Variants in RARB observed in about 807,000 individuals in gnomAD.
RARB encodes retinoic acid receptor beta.
Under a neutral mutation model 51.9 loss-of-function variants are expected in RARB, and 17 were observed. The ratio of observed to expected loss-of-function variants is 0.33; its 90% CI spans 0.22 to 0.49. RARB has a LOEUF of 0.49. Among genes scored for constraint, RARB ranks in the 20% least tolerant of loss-of-function variants. RARB has a pLI of 0.99. For missense variants in RARB, 369 were observed against 550.8 expected, an observed-to-expected ratio of 0.67 and a Z score of 3.30; for synonymous variants, 215 against 195.4, an observed-to-expected ratio of 1.10 and a Z score of -0.84.
intron 5 of RARB, among the ~76,000 whole-genome samples, chr3:25,303,866 C>A (rs1704096054): frequency 6.6e-6 from 1 of 152,054 alleles, no homozygotes; most frequent in South Asian, 2.1e-4. Context: ...GTCCAGGGTT[C>A]AAAGATGAAA....
chr3:25,230,451 G>A (rs551789439), intron 5 of RARB, among the ~76,000 whole-genome samples: 29 of 152,036 alleles, frequency 1.9e-4, no homozygotes, highest in South Asian at 2.1e-4. Flanking sequence ...CAAGCATAAT[G>A]TCCTATTCAC....
At chr3:25,377,288 T>C (rs986077611) in intron 5 of RARB, among the ~76,000 whole-genome samples, 2 of 152,194 alleles carry the variant, frequency 1.3e-5, no homozygotes, top group Non-Finnish European at 1.5e-5. Flanking sequence ...CCAACCCATA[T>C]TGAAAAGGGG....
chr3:24,909,828 G>C (rs1364884734), intron 2 of RARB, among the ~76,000 whole-genome samples: 1 of 151,952 alleles, frequency 6.6e-6, no homozygotes, highest in Non-Finnish European at 1.5e-5. Context: ...TGATTGTGTA[G>C]GGCATAGAAT....
intron 5 of RARB, among the ~76,000 whole-genome samples, chr3:25,388,669 C>A (rs1403299842): frequency 1.3e-5 from 2 of 152,080 alleles, no homozygotes; most frequent in East Asian, 3.9e-4. Context: ...TTTTTGTCTA[C>A]CATTGTGACA....
chr3:24,866,552 T>C (rs1422825534), intron 2 of RARB, among the ~76,000 whole-genome samples: 3 of 152,104 alleles, frequency 2.0e-5, no homozygotes, highest in Admixed American at 6.6e-5. Context: ...ATGGGAAAAC[T>C]GACCAAACCA....
chr3:25,577,183 G>A (rs182161962), intron 4 of RARB, among the ~76,000 whole-genome samples: 4 of 152,320 alleles, frequency 2.6e-5, no homozygotes, highest in African/African-American at 9.6e-5. Context: ...AACTGTGTGG[G>A]TGAATCCCAC....
chr3:24,988,434 CTTAATA>C (rs1193381574), intron 2 of RARB, among the ~76,000 whole-genome samples: 4 of 152,144 alleles, frequency 2.6e-5, no homozygotes, highest in Admixed American at 6.5e-5. Flanking sequence ...TTCTACCAGA[CTTAATA>C]TTAATTTGAA....
intron 5 of RARB, among the ~76,000 whole-genome samples, chr3:25,421,578 AT>A (rs1167175552): frequency 1.3e-5 from 2 of 150,708 alleles, no homozygotes; most frequent in Non-Finnish European, 3.0e-5. Flanking sequence ...TGCCCGGCTA[AT>A]TTTTTTTGTA....
chr3:24,911,185 T>C (rs1377238778), intron 2 of RARB, among the ~76,000 whole-genome samples: 2 of 152,182 alleles, frequency 1.3e-5, no homozygotes, highest in Non-Finnish European at 2.9e-5. Context: ...CCATCTTCTC[T>C]CTCGGAAGAA....
chr3:24,931,712 C>G (rs963081289), intron 2 of RARB, among the ~76,000 whole-genome samples: 1 of 152,118 alleles, frequency 6.6e-6, no homozygotes, highest in African/African-American at 2.4e-5. Flanking sequence ...GTGTTCACAC[C>G]TGTTTATGGC....
intron 3 of RARB, among the ~76,000 whole-genome samples, chr3:25,519,020 C>A (rs1698291533): frequency 6.6e-6 from 1 of 152,140 alleles, no homozygotes; most frequent in South Asian, 2.1e-4. Flanking sequence ...TGAACTTCAC[C>A]TACACAGAGT....
chr3:25,169,978 A>G (rs1289287745), intron 4 of RARB, among the ~76,000 whole-genome samples: 1 of 133,978 alleles, frequency 7.5e-6, no homozygotes, highest in East Asian at 2.2e-4. Flanking sequence ...ACAGAGCGAC[A>G]CCTTATTTCT....
At position 25,500,144 on chromosome 3, in the gene RARB, T is replaced by C. The variant is rs142509110; in HGVS notation, c.307-1038T>C. Among the ~76,000 whole-genome samples the C allele has an allele frequency of 3.7e-3, 560 of 152,334 alleles. 7 individuals are homozygous for C. The highest frequency in any genetic ancestry group is 0.013 in the African/African-American group (540 of 41,576). On this transcript the variant is annotated intron_variant, in intron 2 of 7. Coordinates refer to ENST00000330688, the MANE Select transcript of RARB (RefSeq NM_000965.5). ...TTTAATATGGTAGCTATGGGCCAGA[T>C]GTGGCTCTTCAGCATTTGAAATGTA... is the stretch of plus-strand genomic sequence containing the variant.
intron 5 of RARB, among the ~76,000 whole-genome samples, chr3:25,362,957 A>AT (rs1705996499): frequency 6.6e-6 from 1 of 152,096 alleles, no homozygotes; most frequent in Non-Finnish European, 1.5e-5. Flanking sequence ...TTTATGGCAA[A>AT]TGTTGATGAG....
At chr3:25,263,131 G>A (rs964129213) in intron 5 of RARB, among the ~76,000 whole-genome samples, 2 of 152,126 alleles carry the variant, frequency 1.3e-5, no homozygotes, top group African/African-American at 4.8e-5. Context: ...TTCTATGAAC[G>A]TTTGTCATCC....
chr3:25,448,749 G>A, intron 1 of RARB, among the ~76,000 whole-genome samples: 1 of 152,176 alleles, frequency 6.6e-6, no homozygotes, highest in Non-Finnish European at 1.5e-5. Flanking sequence ...TTATAGGCGT[G>A]AGCCACCGTG....
At chr3:24,937,093 T>C (rs1695562192) in intron 2 of RARB, among the ~76,000 whole-genome samples, 1 of 152,032 alleles carries the variant, frequency 6.6e-6, no homozygotes, top group Non-Finnish European at 1.5e-5. Context: ...AATTTAAGAA[T>C]ATCACTTCAA....
At chr3:25,505,734 A>G (rs1012123739) in intron 3 of RARB, among the ~76,000 whole-genome samples, 3 of 152,124 alleles carry the variant, frequency 2.0e-5, no homozygotes, top group African/African-American at 7.2e-5. Flanking sequence ...GAAGAATTGG[A>G]GAAGGAGGCA....
intron 3 of RARB, among the ~76,000 whole-genome samples, chr3:25,509,846 G>A (rs1196960152): frequency 1.3e-5 from 2 of 151,922 alleles, no homozygotes; most frequent in Non-Finnish European, 2.9e-5. Flanking sequence ...CCTCCCAGCA[G>A]CTGCCTTTCT....
Sources: gnomAD v4.1 joint callset for allele counts (sites outside exome capture counted in the v4.1 genomes callset) on GRCh38, gnomAD v4.1.1 for gene constraint, MANE v1.5 for transcripts, NCBI Gene and HGNC (gene_info 2026-07-23, HGNC 2026-07-21) for gene names.